The following ELP3 variants were observed in gnomAD, a reference collection of about 807,000 sequenced individuals.
ELP3 encodes the protein elongator complex protein 3.
Under a neutral mutation model 74.9 loss-of-function variants are expected in ELP3, and 56 were observed. The observed-to-expected ratio is 0.75, with a 90% CI of 0.60 to 0.93. The LOEUF (loss-of-function observed/expected upper bound fraction) is 0.93, where lower values mean the gene tolerates loss of function less well. Ranked by LOEUF, ELP3 falls within the 40% of genes least tolerant of loss-of-function variation. The pLI is 0.00. For synonymous variants in ELP3, 222 were observed against 239.8 expected, an observed-to-expected ratio of 0.93 and a Z score of 0.68; for missense variants, 573 against 686.5, an observed-to-expected ratio of 0.83 and a Z score of 1.85.
rs775459581 is a variant in ELP3, at chr8:28,107,909, G to T, written c.330-4G>T. 1.7e-5 allele frequency: 28 copies of T among 1,613,232 alleles called. No individual in the cohort carries two copies. The highest frequency in any genetic ancestry group is 2.4e-5 in the Non-Finnish European group (28 of 1,179,480). The stretch of plus-strand genomic sequence containing the variant: ...ACATTCTTGTTCTTTTGTTGTACTG[G>T]CAGATACTGCCCTGGTGGACCTGAT... On this transcript the variant is annotated splice_region_variant and splice_polypyrimidine_tract_variant and intron_variant, in intron 4 of 14. Coordinates refer to ENST00000256398, the MANE Select transcript of ELP3 (RefSeq NM_018091.6).
At chr8:28,136,021 G>A (rs1812976512) in intron 9 of ELP3, among the ~76,000 whole-genome samples, 1 of 150,856 alleles carries the variant, frequency 6.6e-6, no homozygotes, top group African/African-American at 2.4e-5. Context: ...GAGTGCAGTG[G>A]CACGATCTTG....
At chr8:28,093,136 T>G, upstream of ELP3, 1 of 1,586,804 alleles carries the variant, frequency 6.3e-7, no homozygotes. Context: ...GGGATTGTTT[T>G]GTGGCTGTCA....
chr8:28,102,367 G>C (rs948587457), intron 3 of ELP3, among the ~76,000 whole-genome samples: 1 of 152,106 alleles, frequency 6.6e-6, no homozygotes, highest in Non-Finnish European at 1.5e-5. Flanking sequence ...TGCATTTTCC[G>C]TTCCTACTGC....
intron 7 of ELP3, among the ~76,000 whole-genome samples, chr8:28,125,529 A>G (rs1201805512): frequency 6.6e-6 from 1 of 152,180 alleles, no homozygotes; most frequent in Admixed American, 6.5e-5. Flanking sequence ...GAGTGAAACA[A>G]AAGATAGTTT....
intron 9 of ELP3, among the ~76,000 whole-genome samples, chr8:28,132,712 T>G (rs1017335730): frequency 1.3e-5 from 2 of 152,222 alleles, no homozygotes; most frequent in African/African-American, 4.8e-5. Flanking sequence ...AATAGTTTTT[T>G]CACTTAACAT....
chr8:28,107,918 G>T lies in ELP3; in HGVS notation c.335G>T (p.Cys112Phe). The T allele has an allele frequency of 6.2e-7, 1 of 1,613,854 alleles. No individual in the cohort carries two copies. Among genetic ancestry groups the T allele is most frequent in the Non-Finnish European group, 8.5e-7 (1 of 1,179,886 alleles). The change falls in exon 5 of 15, where the codon TGC becomes TTC. Residue 112 changes from cysteine (C) to phenylalanine (F), a missense_variant. Coordinates refer to ENST00000256398, the MANE Select transcript of ELP3 (RefSeq NM_018091.6). ...TTCTTTTGTTGTACTGGCAGATACT[G>T]CCCTGGTGGACCTGATTCTGATTTT... ...ISFTGNICVY[C>F]PGGPDSDFEY...
rs1033812850 is a variant in ELP3, at chr8:28,111,200, T to G, written c.462+762T>G. On this transcript the variant is annotated intron_variant, in intron 6 of 14. Coordinates refer to ENST00000256398, the MANE Select transcript of ELP3 (RefSeq NM_018091.6). ...ATGGTCATGGTGGTGGTTACATAAC[T>G]CTAAATATCTATCAGCTCTCATCCA... Among the ~76,000 whole-genome samples, 27 of 152,232 alleles carry G rather than the reference T, an allele frequency of 1.8e-4. 1 individual carries two copies. The highest frequency in any genetic ancestry group is 6.0e-4 in the African/African-American group (25 of 41,444).
At chr8:28,107,763 T>C in intron 4 of ELP3, 150 bp from the exon 5 acceptor site, 3 of 598,804 alleles carry the variant, frequency 5.0e-6, no homozygotes, top group Non-Finnish European at 8.8e-6. Context: ...ATACATTATT[T>C]ACAGATACTG....
chr8:28,179,810 G>A lies in ELP3; in HGVS notation c.1568-9839G>A, dbSNP rs573989810. On this transcript the variant is annotated intron_variant, in intron 14 of 14. Transcript: ENST00000256398. ...GCTGACCTGACAGGAGGTGGTTACT[G>A]CTCCTCAGGCAGTAATGTGAGCAAT... Among the ~76,000 whole-genome samples the A allele has an allele frequency of 2.0e-5, 3 of 152,218 alleles. No homozygotes were observed. In the South Asian group the frequency reaches 6.2e-4, roughly 32 times the overall value.
chr8:28,108,107 C>G, intron 5 of ELP3, 131 bp downstream of exon 5: 1 of 706,266 alleles, frequency 1.4e-6, no homozygotes, highest in Non-Finnish European at 2.3e-6. Flanking sequence ...AAAAGCTGTT[C>G]ATTCACCAAA....
chr8:28,132,774 A>G (rs1346526677), intron 9 of ELP3, among the ~76,000 whole-genome samples: 3 of 152,224 alleles, frequency 2.0e-5, no homozygotes. Flanking sequence ...ACATGTTAAC[A>G]TATTTAAATG....
intron 12 of ELP3, among the ~76,000 whole-genome samples, chr8:28,159,195 C>T (rs530850679): frequency 6.6e-6 from 1 of 152,274 alleles, no homozygotes. Flanking sequence ...TAACTTTTCT[C>T]TTATACTCTT....
intron 9 of ELP3, among the ~76,000 whole-genome samples, chr8:28,136,223 A>G (rs1233616395): frequency 1.3e-5 from 2 of 152,066 alleles, no homozygotes; most frequent in Non-Finnish European, 2.9e-5. Flanking sequence ...TGGCCTCCCA[A>G]CGTGCTGGGA....
chr8:28,155,189 G>T (rs1405312733), intron 10 of ELP3, among the ~76,000 whole-genome samples: 1 of 152,180 alleles, frequency 6.6e-6, no homozygotes, highest in African/African-American at 2.4e-5. Context: ...TTAGAGACTT[G>T]TCTTTGAACA....
At chr8:28,170,822 A>G (rs559392220) in intron 14 of ELP3, among the ~76,000 whole-genome samples, 1 of 152,178 alleles carries the variant, frequency 6.6e-6, no homozygotes, top group African/African-American at 2.4e-5. Context: ...GACCATCACC[A>G]TTATTTCTAA....
chr8:28,170,103 T>C (rs1319230393), intron 14 of ELP3, among the ~76,000 whole-genome samples: 2 of 152,176 alleles, frequency 1.3e-5, no homozygotes, highest in Non-Finnish European at 2.9e-5. Context: ...GTGGTGAACT[T>C]TGGGGGTCAT....
At chr8:28,094,106 C>A (rs1041408631) in intron 1 of ELP3, among the ~76,000 whole-genome samples, 5 of 152,188 alleles carry the variant, frequency 3.3e-5, no homozygotes, top group African/African-American at 1.2e-4. Context: ...GTCCAAGTTA[C>A]CTTAGATTAA....
At chr8:28,181,432 A>G (rs1815006826) in intron 14 of ELP3, among the ~76,000 whole-genome samples, 1 of 152,212 alleles carries the variant, frequency 6.6e-6, no homozygotes, top group Admixed American at 6.5e-5. Context: ...TCTGTTTACA[A>G]AGTTTATTAT....
chr8:28,104,720 C>T (rs1288736427), intron 3 of ELP3, among the ~76,000 whole-genome samples: 1 of 152,222 alleles, frequency 6.6e-6, no homozygotes, highest in African/African-American at 2.4e-5. Context: ...CTCGTCATCT[C>T]CCATCCAGTG....
Sources: gnomAD v4.1 joint callset for allele counts (sites outside exome capture counted in the v4.1 genomes callset) on GRCh38, gnomAD v4.1.1 for gene constraint, MANE v1.5 for transcripts, NCBI Gene and HGNC (gene_info 2026-07-23, HGNC 2026-07-21) for gene names.